Variants in ZNF12 observed in about 807,000 individuals in gnomAD.
The protein encoded by ZNF12 is zinc finger protein 12.
Under a neutral mutation model 66.6 loss-of-function variants are expected in ZNF12, and 34 were observed. That is an observed-to-expected ratio of 0.51 (90% CI 0.39 to 0.68). ZNF12 has a LOEUF of 0.68. ZNF12 is among the 30% of genes least tolerant of loss of function. The pLI, the probability that ZNF12 is intolerant of heterozygous loss-of-function variation, is 0.00. For synonymous variants in ZNF12, 320 were observed against 278.9 expected (o/e 1.15, Z -1.47); for missense variants, 697 against 826.9 (o/e 0.84, Z 1.93).
rs147468221 is a variant in ZNF12, at chr7:6,698,637, C to T, written c.16-826G>A. 2.0e-4 allele frequency among the ~76,000 whole-genome samples: 31 copies of T among 152,340 alleles called. No individual in the cohort carries two copies. The highest frequency in any genetic ancestry group is 7.0e-4 in the African/African-American group (29 of 41,570). ...CAGCAGTTCAGAATGCAGCCTGTCA[C>T]ATGAATTATCAGTAATAGCTTGGTT... On this transcript the variant is annotated intron_variant, in intron 2 of 4. Coordinates refer to ENST00000405858, the MANE Select transcript of ZNF12 (RefSeq NM_016265.4). The surrounding 1 kb of genome is among the most constrained non-coding windows in gnomAD (Gnocchi z 4.4).
Position 6,690,990 on chromosome 7 carries a change from T to C in ZNF12, c.1952A>G (p.His651Arg). Residue 651 changes from histidine to arginine, a missense_variant, in exon 5 of 5, where the codon CAT (histidine) becomes CGT (arginine). Physicochemically the swap from His to Arg is conservative, Grantham distance 29. Coordinates refer to ENST00000405858, the MANE Select transcript of ZNF12 (RefSeq NM_016265.4). ...TTTCTCTCCTGAATGAGTTCTATAA[T>C]GTACAGTGAGGTATGACATCCGAGA... Reference protein sequence around the residue: ...AFSRMSYLTVHYRTHSGEKPY... With the variant: ...AFSRMSYLTVRYRTHSGEKPY... The C allele has an allele frequency of 1.2e-6, 2 of 1,614,188 alleles. No individual in the cohort carries two copies. Among genetic ancestry groups the C allele is most frequent in the Non-Finnish European group, 1.7e-6 (2 of 1,180,000 alleles).
In ZNF12 at chr7:6,692,557, G is replaced by T. The variant is rs1408007221; in HGVS notation, c.385C>A (p.Pro129Thr). Reference sequence around the variant, plus strand: ...TTTTTATAGGCTATTTTTCTTGAAGGAACAGGGTTCGTTTCTACATCAAAA... The same window carrying T: ...TTTTTATAGGCTATTTTTCTTGAAGTAACAGGGTTCGTTTCTACATCAAAA... ...KTFDVETNPV[P>T]SRKIAYKNSL... Residue 129 changes from proline to threonine, a missense_variant, in exon 5 of 5, where the codon CCT (proline) becomes ACT (threonine). This residue lies in a region of ZNF12 where 241 missense variants were observed against 224.0 expected (regional missense o/e 1.08). Coordinates refer to ENST00000405858, the MANE Select transcript of ZNF12 (RefSeq NM_016265.4). This position sits in a 1 kb window ranked among gnomAD's most constrained non-coding sequence, Gnocchi z 5.1. The T allele has an allele frequency of 6.2e-7, 1 of 1,613,658 alleles. No homozygotes were observed. Among genetic ancestry groups the T allele is most frequent in the African/African-American group, 1.3e-5 (1 of 74,890 alleles).
chr7:6,691,382 G>C lies in ZNF12; in HGVS notation c.1560C>G (p.Pro520=). ...TTTTCCCACATTCACTACATTCATA[G>C]GGTTTTACTCCTGAATGAGTTCTAT... ...IHHRTHSGVK[P]YECSECGKTF... Residue 520 remains proline (P), a synonymous_variant, in exon 5 of 5, where the codon CCC becomes CCG. Coordinates refer to ENST00000405858, the MANE Select transcript of ZNF12 (RefSeq NM_016265.4). 1 of 1,613,928 alleles carries C rather than the reference G, an allele frequency of 6.2e-7. No homozygotes were observed. Among genetic ancestry groups the C allele is most frequent in the Non-Finnish European group, 8.5e-7 (1 of 1,179,886 alleles).
At chr7:6,700,934 T>A (rs1043594835) in intron 2 of ZNF12, 1 of 152,124 alleles carries the variant, frequency 6.6e-6, no homozygotes, top group Non-Finnish European at 1.5e-5. Context: ...TGAATCACAA[T>A]ACTTTGATGG....
intron 1 of ZNF12, 50 bp downstream of exon 1, chr7:6,706,382 T>G (rs996534722): frequency 3.9e-5 from 18 of 458,370 alleles, no homozygotes; most frequent in Non-Finnish European, 7.0e-5. Flanking sequence ...CTACACGCGG[T>G]GACTTCACCC....
At position 6,704,740 on chromosome 7, in the gene ZNF12, C is replaced by CAAAAAAAAAAAAA. The variant is rs949897713; in HGVS notation, c.15+406_15+418dup. Among the ~76,000 whole-genome samples the CAAAAAAAAAAAAA allele has an allele frequency of 7.8e-4, 25 of 32,250 alleles. 3 individuals carry two copies. Among genetic ancestry groups the CAAAAAAAAAAAAA allele is most frequent in the African/African-American group, 2.1e-3 (21 of 10,004 alleles). 21.2% of individuals were successfully genotyped at this position (32,250 alleles called of 152,430 possible). A position where few individuals can be genotyped will look rare whatever the true frequency, so the allele number is the denominator to read the frequency against. On this transcript the variant is annotated intron_variant, in intron 2 of 4. Transcript: ENST00000405858. ...GGTGACAGAGCGCAATACTTGGTCTCAAAAAAAAAAAAAAAAAAAAAAAAA... is the reference window on the plus strand; with the variant it reads ...GGTGACAGAGCGCAATACTTGGTCTCAAAAAAAAAAAAAAAAAAAAAAAAAAAAAAAAAAAAAA...
intron 2 of ZNF12, among the ~76,000 whole-genome samples, chr7:6,702,322 AC>A (rs1780259782): frequency 8.2e-6 from 1 of 121,548 alleles, no homozygotes; most frequent in Non-Finnish European, 1.7e-5. Context: ...ACACACACAC[AC>A]ACCAGATTCG....
At chr7:6,693,672 T>C (rs759264639) in intron 4 of ZNF12, among the ~76,000 whole-genome samples, 16 of 152,224 alleles carry the variant, frequency 1.1e-4, no homozygotes, top group Non-Finnish European at 2.2e-4. Context: ...AAGGTGGTTG[T>C]AGGATTGCAG....
rs1780055601 is a variant in ZNF12 at position 6,690,825 on chromosome 7, C to T, written c.*23G>A. 2.5e-6 allele frequency: 4 copies of T among 1,572,238 alleles called. No individual in the cohort carries two copies. The highest frequency in any genetic ancestry group is 2.6e-6 in the Non-Finnish European group (3 of 1,160,480). ...TGATTCACTATACTGAAAGGGTTCT[C>T]TGATATAAAATGAGGTCTGACTTCA... On this transcript the variant is annotated 3_prime_UTR_variant, in exon 5 of 5. Coordinates refer to ENST00000405858, the MANE Select transcript of ZNF12 (RefSeq NM_016265.4).
In ZNF12 at chr7:6,698,069, CTT is replaced by C; in HGVS notation, c.16-260_16-259del. 1.5e-6 allele frequency: 1 copy of C among 680,782 alleles called. No individual in the cohort carries two copies. Among genetic ancestry groups the C allele is most frequent in the East Asian group, 2.9e-5 (1 of 34,114 alleles). The allele number at this position is 680,782 out of a possible 1,614,324, so 42.2% of individuals were successfully genotyped here. On this transcript the variant is annotated intron_variant, in intron 2 of 4. Transcript: ENST00000405858. The surrounding 1 kb of genome is among the most constrained non-coding windows in gnomAD (Gnocchi z 4.4). Reference sequence around the variant, plus strand: ...GAAACAATCCTGGCTGTTGGGAACTCTTAACACCAGCAGGGACGAATCTCACC... The same window carrying C: ...GAAACAATCCTGGCTGTTGGGAACTCAACACCAGCAGGGACGAATCTCACC...
At chr7:6,701,348 G>C (rs992982045) in intron 2 of ZNF12, among the ~76,000 whole-genome samples, 10 of 152,122 alleles carry the variant, frequency 6.6e-5, no homozygotes, top group Non-Finnish European at 1.5e-4. Flanking sequence ...AAGAAAAAAA[G>C]ACAAAATGCT....
At chr7:6,694,868 G>T (rs1002158313) in intron 4 of ZNF12, among the ~76,000 whole-genome samples, 1 of 152,184 alleles carries the variant, frequency 6.6e-6, no homozygotes, top group Non-Finnish European at 1.5e-5. Flanking sequence ...ACTCAGCCTT[G>T]CATTGGAACA....
At chr7:6,693,247 A>G (rs149120546) in intron 4 of ZNF12, among the ~76,000 whole-genome samples, 1 of 152,356 alleles carries the variant, frequency 6.6e-6, no homozygotes, top group Non-Finnish European at 1.5e-5. Context: ...ACTAGACTAC[A>G]TCCTTCCAAA....
intron 4 of ZNF12, among the ~76,000 whole-genome samples, chr7:6,695,554 T>C (rs1780142213): frequency 6.6e-6 from 1 of 152,180 alleles, no homozygotes. Flanking sequence ...TCTGAATGGA[T>C]GGACAAGAAA....
In ZNF12 at chr7:6,690,752, G is replaced by A; in HGVS notation, c.*96C>T. 1.6e-6 allele frequency: 2 copies of A among 1,273,188 alleles called. No individual in the cohort carries two copies. The highest frequency in any genetic ancestry group is 2.1e-6 in the Non-Finnish European group (2 of 941,116). 78.9% of individuals were successfully genotyped at this position (1,273,188 alleles called of 1,614,324 possible). ...CACAAGGGGATGTCCACACTAACCT[G>A]TGTGAACTCTCTGATGTACAAGGTG... On this transcript the variant is annotated 3_prime_UTR_variant, in exon 5 of 5. Transcript: ENST00000405858.
chr7:6,691,917 T>C lies in ZNF12; in HGVS notation c.1025A>G (p.Gln342Arg), dbSNP rs1251792060. 5 of 1,614,124 alleles carry C rather than the reference T, an allele frequency of 3.1e-6. No individual in the cohort carries two copies. The highest frequency in any genetic ancestry group is 4.2e-6 in the Non-Finnish European group (5 of 1,180,000). Residue 342 changes from glutamine to arginine, a missense_variant, in exon 5 of 5, where the codon CAG becomes CGG. Physicochemically the swap from Gln to Arg is conservative, Grantham distance 43 (BLOSUM62 1). Around this residue, in one of 3 missense-constraint regions of ZNF12, gnomAD observed 401 missense variants for 519.0 expected, o/e 0.77. Coordinates refer to ENST00000405858, the MANE Select transcript of ZNF12 (RefSeq NM_016265.4). ...KNFYQKLHLI[Q>R]HQRTHSGEKP... ...CTCTCCTGAGTGAGTTCTCTGATGC[T>C]GAATGAGGTGTAACTTCTGGTAAAA...
chr7:6,697,471 C>A lies in ZNF12; in HGVS notation c.143-37G>T. The stretch of plus-strand genomic sequence containing the variant: ...AAATGAAAGAGAACTTGAGCCCAGG[C>A]CGGTTGGCTTCAGGGTCTCTGTCAT... On this transcript the variant is annotated intron_variant, in intron 3 of 4. Coordinates refer to ENST00000405858, the MANE Select transcript of ZNF12 (RefSeq NM_016265.4). This position sits in a 1 kb window ranked among gnomAD's most constrained non-coding sequence, Gnocchi z 6.1. The A allele has an allele frequency of 1.3e-6, 2 of 1,590,942 alleles. No individual in the cohort carries two copies. The highest frequency in any genetic ancestry group is 1.7e-6 in the Non-Finnish European group (2 of 1,165,316).
chr7:6,692,369 T>G lies in ZNF12; in HGVS notation c.573A>C (p.Glu191Asp). The G allele has an allele frequency of 6.2e-7, 1 of 1,610,524 alleles. No homozygotes were observed. Among genetic ancestry groups the G allele is most frequent in the Non-Finnish European group, 8.5e-7 (1 of 1,178,270 alleles). Residue 191 changes from glutamate (E) to aspartate (D), a missense_variant, in exon 5 of 5, where the codon GAA becomes GAC. Glu to Asp is a conservative substitution (Grantham distance 45). Coordinates refer to ENST00000405858, the MANE Select transcript of ZNF12 (RefSeq NM_016265.4). The surrounding 1 kb of genome is among the most constrained non-coding windows in gnomAD (Gnocchi z 5.1). ...TATAAGGTTCCCCATTTTGATTAAA[T>G]TCATAAGCTTGATCTCCTGGATGAG... ...EKTHPGDQAY[E>D]FNQNGEPYTL...
chr7:6,693,677 T>C (rs1046820105), intron 4 of ZNF12, among the ~76,000 whole-genome samples: 3 of 152,230 alleles, frequency 2.0e-5, no homozygotes, highest in South Asian at 2.1e-4. Flanking sequence ...GGTTGTAGGA[T>C]TGCAGCAGTT....
Sources: gnomAD v4.1 joint callset for allele counts (sites outside exome capture counted in the v4.1 genomes callset) on GRCh38, gnomAD v4.1.1 for gene constraint, gnomAD v4.1.1 regional missense constraint, Gnocchi (gnomAD v3.1) non-coding constraint, MANE v1.5 for transcripts, NCBI Gene and HGNC (gene_info 2026-07-23, HGNC 2026-07-21) for gene names.